Variants in CSMD1 observed in about 807,000 individuals in gnomAD.
The protein encoded by CSMD1 is CUB and Sushi multiple domains 1.
In CSMD1, 213 loss-of-function variants were observed where a neutral mutation model predicts 417.5. That is an observed-to-expected ratio of 0.51 (90% CI 0.46 to 0.57). The LOEUF (loss-of-function observed/expected upper bound fraction) is 0.57. CSMD1 is among the 20% of genes least tolerant of loss of function. The pLI, the probability that CSMD1 is intolerant of heterozygous loss-of-function variation, is 0.00. For missense variants in CSMD1, 6,923 were observed against 4,529.7 expected (o/e 1.53, Z -15.17); for synonymous variants, 2,862 against 1,736.8 (o/e 1.65, Z -16.11).
intron 10 of CSMD1, 149 bp downstream of exon 10, chr8:3,574,796 G>A: frequency 1.3e-6 from 1 of 787,852 alleles, no homozygotes; most frequent in Non-Finnish European, 2.0e-6. Flanking sequence ...CAATGAATGT[G>A]GCATCTAGAC....
intron 61 of CSMD1, among the ~76,000 whole-genome samples, chr8:2,961,965 T>C (rs912922649): frequency 6.6e-6 from 1 of 152,228 alleles, no homozygotes; most frequent in Non-Finnish European, 1.5e-5. Flanking sequence ...TCTAGGTGGA[T>C]ACTATTCAAT....
At chr8:3,708,762 A>G (rs890678909) in intron 6 of CSMD1, among the ~76,000 whole-genome samples, 1 of 152,124 alleles carries the variant, frequency 6.6e-6, no homozygotes, top group Admixed American at 6.6e-5. Context: ...ATCCAATCCT[A>G]TTTACCACTA....
At chr8:4,890,358 A>G (rs74492192) in intron 1 of CSMD1, among the ~76,000 whole-genome samples, 1,537 of 152,230 alleles carry the variant, frequency 0.01, 35 homozygotes, top group African/African-American at 0.034. Flanking sequence ...AGGCACATAC[A>G]GGGGAGATGG....
In CSMD1 at chr8:3,529,079, A is replaced by C. The variant is rs139044908; in HGVS notation, c.1345-35353T>G. ...TACAAGCTGTAACACAGACACTTTC[A>C]ACAGAATATACCGACTTCTTTGAAA... On this transcript the variant is annotated intron_variant, in intron 10 of 69. Coordinates refer to ENST00000635120, the MANE Select transcript of CSMD1 (RefSeq NM_033225.6). 2.9e-3 allele frequency among the ~76,000 whole-genome samples: 449 copies of C among 152,310 alleles called. 2 individuals carry two copies. The highest frequency in any genetic ancestry group is 8.0e-3 in the Admixed American group (122 of 15,298).
At chr8:3,419,341 G>C (rs937192126) in intron 12 of CSMD1, among the ~76,000 whole-genome samples, 2 of 152,118 alleles carry the variant, frequency 1.3e-5, no homozygotes, top group Non-Finnish European at 2.9e-5. Flanking sequence ...TTTCCAAAAT[G>C]AATAATTGAA....
chr8:4,919,030 G>C (rs188032717), intron 1 of CSMD1, among the ~76,000 whole-genome samples: 1 of 152,136 alleles, frequency 6.6e-6, no homozygotes, highest in Non-Finnish European at 1.5e-5. Context: ...CTTAGGTGCA[G>C]GGACGAATGT....
intron 4 of CSMD1, among the ~76,000 whole-genome samples, chr8:4,010,803 G>C (rs1051747665): frequency 2.6e-5 from 4 of 152,120 alleles, no homozygotes; most frequent in African/African-American, 9.7e-5. Context: ...CATCATCACA[G>C]TAAAACACCT....
chr8:4,631,092 G>C (rs528950400), intron 2 of CSMD1, among the ~76,000 whole-genome samples: 1 of 152,194 alleles, frequency 6.6e-6, no homozygotes, highest in Non-Finnish European at 1.5e-5. Flanking sequence ...GCCAGGTGCG[G>C]TGGCTCACAC....
At chr8:3,460,771 G>C (rs879550077) in intron 12 of CSMD1, among the ~76,000 whole-genome samples, 4 of 152,144 alleles carry the variant, frequency 2.6e-5, no homozygotes, top group African/African-American at 4.8e-5. Flanking sequence ...AAAGAATATA[G>C]GGAGATTATT....
At chr8:4,742,123 C>T (rs1016290021) in intron 1 of CSMD1, among the ~76,000 whole-genome samples, 13 of 144,444 alleles carry the variant, frequency 9.0e-5, no homozygotes, top group Admixed American at 2.2e-4. Context: ...CTCCGCTTCC[C>T]GGGTTCACGC....
At chr8:4,277,882 G>A (rs1446009614) in intron 3 of CSMD1, among the ~76,000 whole-genome samples, 1 of 151,860 alleles carries the variant, frequency 6.6e-6, no homozygotes, top group Non-Finnish European at 1.5e-5. Flanking sequence ...CGAGTAGATG[G>A]GACTACAGGC....
At chr8:4,441,373 A>G (rs76937028) in intron 2 of CSMD1, among the ~76,000 whole-genome samples, 11,084 of 149,612 alleles carry the variant, frequency 0.074, 587 homozygotes, top group Non-Finnish European at 0.095. Flanking sequence ...TGAGCCTCCT[A>G]AAGTGCTGTA....
At chr8:3,640,934 G>T in intron 7 of CSMD1, among the ~76,000 whole-genome samples, 1 of 151,762 alleles carries the variant, frequency 6.6e-6, no homozygotes, top group Middle Eastern at 3.4e-3. Flanking sequence ...TTATTTGTGA[G>T]GGAAAGCAAA....
chr8:3,565,767 C>A (rs961800477), intron 10 of CSMD1, among the ~76,000 whole-genome samples: 3 of 152,084 alleles, frequency 2.0e-5, no homozygotes, highest in African/African-American at 7.2e-5. Context: ...AGTGTAAAAA[C>A]ACAAATTGCT....
Position 4,656,493 on chromosome 8 carries a change from T to TA in CSMD1, c.86-18936dup, listed in dbSNP as rs531843049. Among the ~76,000 whole-genome samples the TA allele has an allele frequency of 7.2e-5, 11 of 152,054 alleles. No homozygotes were observed. The South Asian group carries it at 1.5e-3, about 20-fold the overall frequency. ...ATAAGAACATTTACGGACCATTTCA[T>TA]AAAAAAATCCATCTTGCAGGGATTC... On this transcript the variant is annotated intron_variant, in intron 1 of 69. Transcript: ENST00000635120.
In CSMD1 at chr8:4,905,590, T is replaced by C. The variant is rs990616374; in HGVS notation, c.85+88742A>G. Among the ~76,000 whole-genome samples the C allele has an allele frequency of 2.9e-4, 44 of 151,742 alleles. 1 individual carries two copies. Among genetic ancestry groups the C allele is most frequent in the South Asian group, 1.2e-3 (6 of 4,804 alleles). ...ATCCCAGCACTTTGGGAGGCCAAGGTGGGCCCATCACGAGGTCATGAGATC... is the reference window on the plus strand; with the variant it reads ...ATCCCAGCACTTTGGGAGGCCAAGGCGGGCCCATCACGAGGTCATGAGATC... On this transcript the variant is annotated intron_variant, in intron 1 of 69. Transcript: ENST00000635120.
At chr8:4,303,809 C>G (rs142513587) in intron 3 of CSMD1, among the ~76,000 whole-genome samples, 4 of 152,196 alleles carry the variant, frequency 2.6e-5, no homozygotes, top group Non-Finnish European at 4.4e-5. Flanking sequence ...GCACACTCCA[C>G]TCTCCCCGGC....
At chr8:3,272,492 A>C (rs1429619970) in intron 26 of CSMD1, among the ~76,000 whole-genome samples, 1 of 148,050 alleles carries the variant, frequency 6.8e-6, no homozygotes, top group African/African-American at 2.5e-5. Context: ...CTTGAAGGGG[A>C]TGGCATTGAA....
chr8:3,490,941 G>C (rs190768680), intron 11 of CSMD1, among the ~76,000 whole-genome samples: 29 of 152,226 alleles, frequency 1.9e-4, no homozygotes, highest in African/African-American at 6.5e-4. Context: ...CAGAAAAATA[G>C]GATCCTTCAT....
Sources: gnomAD v4.1 joint callset for allele counts (sites outside exome capture counted in the v4.1 genomes callset) on GRCh38, gnomAD v4.1.1 for gene constraint, MANE v1.5 for transcripts, NCBI Gene and HGNC (gene_info 2026-07-23, HGNC 2026-07-21) for gene names.